KALRN: variants seen among roughly 807,000 people sequenced by gnomAD.
KALRN encodes kalirin RhoGEF kinase, also known as kalirin.
Under a neutral mutation model 353.7 loss-of-function variants are expected in KALRN, and 70 were observed. The ratio of observed to expected loss-of-function variants is 0.20; its 90% CI spans 0.16 to 0.24. The LOEUF (loss-of-function observed/expected upper bound fraction) is 0.24, where lower values mean the gene tolerates loss of function less well. Ranked by LOEUF, KALRN falls within the 10% of genes least tolerant of loss-of-function variation. The pLI, the probability that KALRN is intolerant of heterozygous loss-of-function variation, is 1.00. For missense variants in KALRN, 2,791 were observed against 3,756.7 expected (o/e 0.74, Z 6.72); for synonymous variants, 1,391 against 1,434.8 (o/e 0.97, Z 0.69).
chr3:124,674,536 C>A lies in KALRN; in HGVS notation c.7115C>A (p.Ala2372Asp), dbSNP rs1218462793. The change falls in exon 49 of 60, where the codon GCC (alanine) becomes GAC (aspartate). Residue 2372 changes from alanine to aspartate, a missense_variant. Physicochemically the swap from Ala to Asp is moderately radical, Grantham distance 126 (BLOSUM62 -2). This residue lies in a region of KALRN where 1,065 missense variants were observed against 1,156.4 expected (regional missense o/e 0.92). Coordinates refer to ENST00000682506, the MANE Select transcript of KALRN (RefSeq NM_001388419.1). ...CCTGCCAGCGACCATTCCCCCGCCG[C>A]CGAGGGCTGGGTCCCAGGCAGCATC... ...YQPASDHSPAAEGWVPGSILA... is the reference protein window; with the variant it reads ...YQPASDHSPADEGWVPGSILA... The A allele has an allele frequency of 2.5e-6, 4 of 1,613,642 alleles. No homozygotes were observed. The highest frequency in any genetic ancestry group is 2.5e-6 in the Non-Finnish European group (3 of 1,179,918).
intron 57 of KALRN, among the ~76,000 whole-genome samples, chr3:124,704,699 C>T (rs1172815508): frequency 6.6e-6 from 1 of 152,086 alleles, no homozygotes; most frequent in Non-Finnish European, 1.5e-5. Flanking sequence ...AGGCGTGAGC[C>T]ATCACAGCCA....
Position 124,110,469 on chromosome 3 carries a change from GCACACA to G in KALRN, c.73+76679_73+76684del, listed in dbSNP as rs1553768422. The stretch of plus-strand genomic sequence containing the variant: ...ATATATTTCATATATACACACGCGC[GCACACA>G]CACACACACACACACACACACATTG... On this transcript the variant is annotated intron_variant, in intron 1 of 59. Transcript: ENST00000682506. Among the ~76,000 whole-genome samples, 145 of 134,048 alleles carry G rather than the reference GCACACA, an allele frequency of 1.1e-3. 1 individual carries two copies. Among genetic ancestry groups the G allele is most frequent in the African/African-American group, 4.0e-3 (132 of 33,380 alleles). The allele number at this position is 134,048 out of a possible 152,430, so 87.9% of individuals were successfully genotyped here.
At chr3:124,640,286 CTTTTTTT>C (rs71777187) in intron 37 of KALRN, among the ~76,000 whole-genome samples, 2 of 127,468 alleles carry the variant, frequency 1.6e-5, no homozygotes, top group African/African-American at 5.8e-5. Flanking sequence ...TTCTTTCTTT[CTTTTTTT>C]TTTTTTTTTT....
At position 124,646,391 on chromosome 3, in the gene KALRN, C is replaced by CTTTTTTTTTTTTTTTTTTT. The variant is rs10673161; in HGVS notation, c.5665-4400_5665-4399insTTTTTTTTTTTTTTTTTTT. Among the ~76,000 whole-genome samples the CTTTTTTTTTTTTTTTTTTT allele has an allele frequency of 5.8e-3, 640 of 110,280 alleles. 54 individuals are homozygous for CTTTTTTTTTTTTTTTTTTT. The highest frequency in any genetic ancestry group is 0.023 in the East Asian group (66 of 2,856). 72.3% of individuals were successfully genotyped at this position (110,280 alleles called of 152,430 possible). A position where few individuals can be genotyped will look rare whatever the true frequency, so the allele number is the denominator to read the frequency against. On this transcript the variant is annotated intron_variant, in intron 37 of 59. Transcript: ENST00000682506. ...GACTGCTAGAGGGATCTTTTGTTTA[C>CTTTTTTTTTTTTTTTTTTT]TTTTTTTTTTTTTTTTTGAGACAGA...
intron 1 of KALRN, among the ~76,000 whole-genome samples, chr3:124,082,600 C>T (rs1559918146): frequency 6.6e-6 from 1 of 152,124 alleles, no homozygotes. Flanking sequence ...CTGCAGTGTC[C>T]CTTTACTCTG....
At position 124,658,460 on chromosome 3, in the gene KALRN, T is replaced by C; in HGVS notation, c.6066T>C (p.Tyr2022=). 1.9e-6 allele frequency: 3 copies of C among 1,614,046 alleles called. No homozygotes were observed. The highest frequency in any genetic ancestry group is 2.5e-6 in the Non-Finnish European group (3 of 1,179,904). ...HERKLHIYVW[Y]CQNKPRSEYI... ...GGAAGCTGCACATCTACGTGTGGTA[T>C]TGTCAGAATAAGCCGCGCTCAGAGT... is the stretch of plus-strand genomic sequence containing the variant. Residue 2022 remains tyrosine, a synonymous_variant, in exon 42 of 60, where the codon TAT becomes TAC. Transcript: ENST00000682506.
chr3:124,462,479 TG>T, intron 24 of KALRN, 44 bp from the exon 25 acceptor site: 1 of 1,138,336 alleles, frequency 8.8e-7, no homozygotes, highest in Non-Finnish European at 1.3e-6. Context: ...GTATTTTATA[TG>T]GCCTGCCAGA....
intron 3 of KALRN, among the ~76,000 whole-genome samples, chr3:124,253,449 G>C (rs1307804361): frequency 6.6e-6 from 1 of 152,172 alleles, no homozygotes; most frequent in Non-Finnish European, 1.5e-5. Context: ...GTCTGCCTAT[G>C]GTGAACGGTC....
chr3:124,401,385 G>A (rs1879805), intron 13 of KALRN, among the ~76,000 whole-genome samples: 28,284 of 151,966 alleles, frequency 0.19, 3,500 homozygotes, highest in East Asian at 0.62. Flanking sequence ...AGCACCCATG[G>A]TCCCAGCTAC....
chr3:124,547,412 A>G (rs1319010846), intron 33 of KALRN, among the ~76,000 whole-genome samples: 1 of 152,178 alleles, frequency 6.6e-6, no homozygotes, highest in African/African-American at 2.4e-5. Context: ...TCCAGGGCTC[A>G]AGCAATCCCC....
At chr3:124,468,786 G>C (rs1208519256) in intron 25 of KALRN, among the ~76,000 whole-genome samples, 1 of 152,204 alleles carries the variant, frequency 6.6e-6, no homozygotes, top group African/African-American at 2.4e-5. Context: ...AAGGCCTGTT[G>C]TGATTTTTCT....
chr3:124,176,544 G>A (rs1560152473), intron 1 of KALRN, among the ~76,000 whole-genome samples: 1 of 152,170 alleles, frequency 6.6e-6, no homozygotes, highest in Non-Finnish European at 1.5e-5. Context: ...CCAAAAGTCA[G>A]GGTATGCACT....
intron 13 of KALRN, among the ~76,000 whole-genome samples, chr3:124,411,681 A>G (rs886624933): frequency 3.3e-5 from 5 of 152,022 alleles, no homozygotes; most frequent in African/African-American, 1.2e-4. Context: ...CCTGGCCTCA[A>G]GTGATCCTCC....
At chr3:124,646,740 T>C (rs898762627) in intron 37 of KALRN, among the ~76,000 whole-genome samples, 4 of 151,432 alleles carry the variant, frequency 2.6e-5, no homozygotes, top group African/African-American at 9.7e-5. Context: ...CTGACGAATA[T>C]AAGAAATATA....
intron 9 of KALRN, among the ~76,000 whole-genome samples, chr3:124,346,485 A>G (rs1480276653): frequency 6.6e-6 from 1 of 152,166 alleles, no homozygotes; most frequent in Non-Finnish European, 1.5e-5. Flanking sequence ...AGACTCAGAT[A>G]TTAAAGGACT....
chr3:124,121,355 A>C (rs1560007244), intron 1 of KALRN, among the ~76,000 whole-genome samples: 3 of 152,202 alleles, frequency 2.0e-5, no homozygotes, highest in Admixed American at 6.5e-5. Flanking sequence ...TGAATGAATA[A>C]ATTTTTCTAG....
chr3:124,379,479 T>C (rs933157056), intron 10 of KALRN, among the ~76,000 whole-genome samples: 1 of 152,174 alleles, frequency 6.6e-6, no homozygotes, highest in African/African-American at 2.4e-5. Context: ...CTATAAATAT[T>C]CTTAAGCTTT....
chr3:124,516,037 C>T (rs1168342751), intron 33 of KALRN, among the ~76,000 whole-genome samples: 1 of 152,132 alleles, frequency 6.6e-6, no homozygotes, highest in African/African-American at 2.4e-5. Context: ...TGTGGATATA[C>T]AGAGATCATC....
intron 1 of KALRN, among the ~76,000 whole-genome samples, chr3:124,048,937 C>A (rs1040779931): frequency 5.3e-5 from 8 of 152,136 alleles, no homozygotes; most frequent in African/African-American, 1.9e-4. Flanking sequence ...GCAAGAAAGG[C>A]CATTCATTTT....
Sources: allele counts gnomAD v4.1 joint callset (sites outside exome capture counted in the v4.1 genomes callset), GRCh38; gene constraint gnomAD v4.1.1; regional missense constraint gnomAD v4.1.1; transcripts MANE v1.5; gene names NCBI Gene and HGNC (gene_info 2026-07-23, HGNC 2026-07-21).